The following CSMD1 variants were observed in gnomAD, a reference collection of about 807,000 sequenced individuals.
The protein encoded by CSMD1 is CUB and Sushi multiple domains 1.
CSMD1 carries 213 observed loss-of-function variants against 417.5 expected under a neutral mutation model. That is an observed-to-expected ratio of 0.51 (90% CI 0.46 to 0.57). CSMD1 has a LOEUF of 0.57. CSMD1 is among the 20% of genes least tolerant of loss of function. The pLI is 0.00. For missense variants in CSMD1, 6,923 were observed against 4,529.7 expected, an observed-to-expected ratio of 1.53 and a Z score of -15.17; for synonymous variants, 2,862 against 1,736.8, an observed-to-expected ratio of 1.65 and a Z score of -16.11.
intron 68 of CSMD1, among the ~76,000 whole-genome samples, chr8:2,947,959 G>A (rs2128917315): frequency 6.7e-6 from 1 of 149,272 alleles, no homozygotes; most frequent in Non-Finnish European, 1.5e-5. Context: ...CTACAGGCCA[G>A]TAGACTTTTT....
At chr8:4,926,335 A>G (rs1294167669) in intron 1 of CSMD1, among the ~76,000 whole-genome samples, 2 of 152,198 alleles carry the variant, frequency 1.3e-5, no homozygotes, top group African/African-American at 2.4e-5. Context: ...ATTTTGTGTA[A>G]TAACCTTTGC....
At position 4,994,726 on chromosome 8, in the gene CSMD1, G is replaced by A. The variant is rs976981987; in HGVS notation, c.-310C>T. 6.2e-5 allele frequency: 21 copies of A among 341,112 alleles called. 1 individual carries two copies. The Middle Eastern group carries it at 2.4e-3, about 39-fold the overall frequency. 21.1% of individuals were successfully genotyped at this position (341,112 alleles called of 1,614,324 possible). On this transcript the variant is annotated 5_prime_UTR_variant, in exon 1 of 70. Coordinates refer to ENST00000635120, the MANE Select transcript of CSMD1 (RefSeq NM_033225.6). ...GCACCAAGGCGGCGAGGCTGCGGGA[G>A]GGGGAGAAGCGGGGAGAGGAGCGCG... is the stretch of plus-strand genomic sequence containing the variant.
At chr8:4,202,453 T>A (rs1190207061) in intron 3 of CSMD1, among the ~76,000 whole-genome samples, 1 of 152,198 alleles carries the variant, frequency 6.6e-6, no homozygotes, top group African/African-American at 2.4e-5. Flanking sequence ...ACAAAATGTT[T>A]CATTACGTAA....
Position 3,162,176 on chromosome 8 carries a change from G to C in CSMD1, c.5827C>G (p.Pro1943Ala), listed in dbSNP as rs745582210. The C allele has an allele frequency of 6.2e-7, 1 of 1,605,622 alleles. No homozygotes were observed. The highest frequency in any genetic ancestry group is 8.5e-7 in the Non-Finnish European group (1 of 1,175,422). The change falls in exon 38 of 70, where the codon CCC becomes GCC. Residue 1943 changes from proline (P) to alanine (A), a missense_variant. Pro to Ala is a conservative substitution (Grantham distance 27). Coordinates refer to ENST00000635120, the MANE Select transcript of CSMD1 (RefSeq NM_033225.6). ...AAGGATACCTGCAGGGTGTACCCGG[G>C]CTCGCACTGGAAGGAGAGCACGTCG... ...VNDVLSFQCEPGYTLQGRSHI... is the reference protein window; with the variant it reads ...VNDVLSFQCEAGYTLQGRSHI...
chr8:3,316,343 T>TATCA (rs1453996980), intron 23 of CSMD1, among the ~76,000 whole-genome samples: 22 of 152,188 alleles, frequency 1.4e-4, no homozygotes, highest in Non-Finnish European at 2.8e-4. Context: ...TTTTCAAATC[T>TATCA]ATCAGGAACT....
At chr8:4,829,287 T>C (rs1364243248) in intron 1 of CSMD1, among the ~76,000 whole-genome samples, 2 of 152,202 alleles carry the variant, frequency 1.3e-5, no homozygotes, top group Non-Finnish European at 2.9e-5. Flanking sequence ...TATTTAGTCA[T>C]AAGCTTTATC....
At chr8:3,829,602 C>G (rs1216931415) in intron 5 of CSMD1, among the ~76,000 whole-genome samples, 1 of 152,122 alleles carries the variant, frequency 6.6e-6, no homozygotes, top group Non-Finnish European at 1.5e-5. Context: ...TGATGGGCCC[C>G]TCAGGAGAGC....
intron 20 of CSMD1, among the ~76,000 whole-genome samples, chr8:3,364,233 A>G (rs1291316080): frequency 1.3e-5 from 2 of 152,156 alleles, no homozygotes; most frequent in African/African-American, 4.8e-5. Context: ...ATCCTACCAA[A>G]TGAAATTACT....
At chr8:3,254,370 G>A (rs564555274) in intron 26 of CSMD1, among the ~76,000 whole-genome samples, 99 of 152,090 alleles carry the variant, frequency 6.5e-4, no homozygotes, top group Middle Eastern at 3.4e-3. Context: ...TACTCTTCTC[G>A]AGGGGTATAT....
At chr8:3,465,895 G>A (rs997932097) in intron 12 of CSMD1, among the ~76,000 whole-genome samples, 1 of 152,114 alleles carries the variant, frequency 6.6e-6, no homozygotes, top group Non-Finnish European at 1.5e-5. Flanking sequence ...AATTTCTGGG[G>A]AAACTATGAG....
At chr8:4,336,979 T>C (rs1453974348) in intron 3 of CSMD1, among the ~76,000 whole-genome samples, 1 of 152,108 alleles carries the variant, frequency 6.6e-6, no homozygotes, top group East Asian at 1.9e-4. Context: ...GGATTTGCCG[T>C]GTTTTCTTCC....
intron 21 of CSMD1, among the ~76,000 whole-genome samples, chr8:3,354,901 ATC>A (rs1199650376): frequency 7.0e-6 from 1 of 143,662 alleles, no homozygotes; most frequent in East Asian, 1.9e-4. Context: ...CTATCTATAG[ATC>A]TATCTATAGA....
At position 4,834,727 on chromosome 8, in the gene CSMD1, C is replaced by A. The variant is rs184188858; in HGVS notation, c.85+159605G>T. On this transcript the variant is annotated intron_variant, in intron 1 of 69. Transcript: ENST00000635120. ...ATCCCAGCACTTTGGGAGGCCGAGG[C>A]GGGCGGATCACGACATCAGGAGATC... Among the ~76,000 whole-genome samples, 659 of 151,872 alleles carry A rather than the reference C, an allele frequency of 4.3e-3. 3 individuals carry two copies. Among genetic ancestry groups the A allele is most frequent in the Non-Finnish European group, 6.2e-3 (420 of 67,948 alleles).
At chr8:4,421,182 T>A (rs766021105) in intron 2 of CSMD1, among the ~76,000 whole-genome samples, 67 of 152,318 alleles carry the variant, frequency 4.4e-4, no homozygotes, top group African/African-American at 1.6e-3. Flanking sequence ...CTTTGTACTT[T>A]ATGTGTTAGC....
At position 3,678,749 on chromosome 8, in the gene CSMD1, G is replaced by C. The variant is rs187173613; in HGVS notation, c.1009+29665C>G. Among the ~76,000 whole-genome samples the C allele has an allele frequency of 3.9e-5, 6 of 152,218 alleles. No individual in the cohort carries two copies. In the East Asian group the frequency reaches 7.7e-4, roughly 20 times the overall value. ...ACACATAATTGTCAGATTCACCAAA[G>C]CTGAAATGAAGGAAAAAATGTTAAG... On this transcript the variant is annotated intron_variant, in intron 7 of 69. Coordinates refer to ENST00000635120, the MANE Select transcript of CSMD1 (RefSeq NM_033225.6).
intron 10 of CSMD1, among the ~76,000 whole-genome samples, chr8:3,562,781 G>A (rs1282388914): frequency 1.3e-5 from 2 of 152,058 alleles, no homozygotes; most frequent in African/African-American, 4.8e-5. Context: ...GGTGGAGGGT[G>A]GGAGGGGGAA....
At chr8:4,333,143 T>C (rs188079804) in intron 3 of CSMD1, among the ~76,000 whole-genome samples, 25 of 152,242 alleles carry the variant, frequency 1.6e-4, no homozygotes, top group South Asian at 1.2e-3. Context: ...CAACACCTGA[T>C]TGAACATAAG....
At chr8:4,704,801 T>C (rs1807813432) in intron 1 of CSMD1, among the ~76,000 whole-genome samples, 1 of 152,204 alleles carries the variant, frequency 6.6e-6, no homozygotes, top group Non-Finnish European at 1.5e-5. Context: ...CTAACCAGCC[T>C]GAGTGAGCTT....
At chr8:3,398,015 G>A (rs976174076) in intron 16 of CSMD1, among the ~76,000 whole-genome samples, 1 of 152,166 alleles carries the variant, frequency 6.6e-6, no homozygotes, top group Non-Finnish European at 1.5e-5. Flanking sequence ...GAAATATCGG[G>A]TATTTCCAAA....
Sources: allele counts gnomAD v4.1 joint callset (sites outside exome capture counted in the v4.1 genomes callset), GRCh38; gene constraint gnomAD v4.1.1; transcripts MANE v1.5; gene names NCBI Gene and HGNC (gene_info 2026-07-23, HGNC 2026-07-21).